The following PDGFD variants were observed in gnomAD, a reference collection of about 807,000 sequenced individuals.
The protein encoded by PDGFD is platelet-derived growth factor D.
PDGFD carries 30 observed loss-of-function variants against 44.7 expected under a neutral mutation model. The observed-to-expected ratio is 0.67, with a 90% confidence interval of 0.50 to 0.91. The LOEUF is 0.91. Among genes scored for constraint, PDGFD ranks in the 40% least tolerant of loss-of-function variants. PDGFD has a pLI of 0.00. For synonymous variants in PDGFD, 173 were observed against 168.4 expected (o/e 1.03, Z -0.21); for missense variants, 445 against 457.8 (o/e 0.97, Z 0.25).
In PDGFD at chr11:104,112,813, C is replaced by G. The variant is rs545030800; in HGVS notation, c.124+50991G>C. 5.4e-3 allele frequency among the ~76,000 whole-genome samples: 828 copies of G among 152,000 alleles called. 4 individuals are homozygous for G. Among genetic ancestry groups the G allele is most frequent in the African/African-American group, 0.019 (803 of 41,460 alleles). ...ACATGGTCTTATTTATAAGTAGGAGCTAAATGATGAGAATACATGGACACA... is the reference window on the plus strand; with the variant it reads ...ACATGGTCTTATTTATAAGTAGGAGGTAAATGATGAGAATACATGGACACA... On this transcript the variant is annotated intron_variant, in intron 1 of 6. Coordinates refer to ENST00000393158, the MANE Select transcript of PDGFD (RefSeq NM_025208.5).
Position 103,994,575 on chromosome 11 carries a change from T to A in PDGFD, c.510+1490A>T, listed in dbSNP as rs180753784. On this transcript the variant is annotated intron_variant, in intron 3 of 6. Coordinates refer to ENST00000393158, the MANE Select transcript of PDGFD (RefSeq NM_025208.5). ...CATAATGCAAAGAAAACCAATTAGA[T>A]TTTTTAAAAAGCAAGTTTTTTTTTC... is the stretch of plus-strand genomic sequence containing the variant. Among the ~76,000 whole-genome samples, 437 of 152,302 alleles carry A rather than the reference T, an allele frequency of 2.9e-3. 2 individuals carry two copies. Among genetic ancestry groups the A allele is most frequent in the African/African-American group, 9.8e-3 (407 of 41,570 alleles).
chr11:104,118,304 T>A (rs1861671550), intron 1 of PDGFD, among the ~76,000 whole-genome samples: 2 of 151,792 alleles, frequency 1.3e-5, no homozygotes, highest in South Asian at 2.1e-4. Flanking sequence ...GGGAGCTTGC[T>A]TCTCCTCTCT....
At chr11:104,127,087 A>C (rs746222448) in intron 1 of PDGFD, among the ~76,000 whole-genome samples, 1 of 152,126 alleles carries the variant, frequency 6.6e-6, no homozygotes, top group Non-Finnish European at 1.5e-5. Flanking sequence ...TTTACTCCAC[A>C]AAAAGAGCTC....
chr11:104,142,038 T>C (rs1179776917), intron 1 of PDGFD, among the ~76,000 whole-genome samples: 2 of 152,176 alleles, frequency 1.3e-5, no homozygotes, highest in Non-Finnish European at 2.9e-5. Flanking sequence ...AGTTCCCTAA[T>C]GGAATTATTT....
At chr11:104,097,572 T>C (rs1392555336) in intron 1 of PDGFD, among the ~76,000 whole-genome samples, 1 of 152,176 alleles carries the variant, frequency 6.6e-6, no homozygotes, top group Admixed American at 6.5e-5. Context: ...CCTCAAATGG[T>C]TCCCAGATGC....
chr11:104,018,679 C>T (rs1565311788), intron 1 of PDGFD, among the ~76,000 whole-genome samples: 1 of 152,194 alleles, frequency 6.6e-6, no homozygotes, highest in African/African-American at 2.4e-5. Flanking sequence ...GCAAGGTTTG[C>T]ACCAGTCACT....
intron 3 of PDGFD, among the ~76,000 whole-genome samples, chr11:103,984,622 T>G (rs1253200968): frequency 2.0e-5 from 3 of 151,312 alleles, no homozygotes; most frequent in Non-Finnish European, 4.4e-5. Context: ...ATGGGACCTA[T>G]GGGTGTTTAC....
chr11:103,924,886 C>T (rs1175715197), intron 6 of PDGFD, among the ~76,000 whole-genome samples: 1 of 152,094 alleles, frequency 6.6e-6, no homozygotes, highest in African/African-American at 2.4e-5. Flanking sequence ...CGTAGGTATA[C>T]ACGTGCCATG....
intron 2 of PDGFD, among the ~76,000 whole-genome samples, chr11:103,999,219 T>G (rs978691281): frequency 3.9e-5 from 6 of 152,162 alleles, no homozygotes; most frequent in African/African-American, 7.2e-5. Flanking sequence ...GCCCCTCTTT[T>G]TATTATTCAA....
rs1025498191 is a variant in PDGFD at position 104,000,057 on chromosome 11, A to T, written c.323T>A (p.Ile108Asn). Reference protein sequence around the residue: ...QFGLEEAENDICRYDFVEVED... With the variant: ...QFGLEEAENDNCRYDFVEVED... ...AATTTTTTTCCCAACTTACCTACAG[A>T]TATCATTTTCTGCTTCCTCTAATCC... Residue 108 changes from isoleucine to asparagine, a missense_variant, in exon 2 of 7, where the codon ATC becomes AAC. Ile to Asn is a moderately radical substitution (Grantham distance 149). Transcript: ENST00000393158. 1 of 1,613,874 alleles carries T rather than the reference A, an allele frequency of 6.2e-7. No individual in the cohort carries two copies. The highest frequency in any genetic ancestry group is 1.1e-5 in the South Asian group (1 of 91,044).
At chr11:104,037,200 G>GGGCTT in intron 1 of PDGFD, 2 of 1,613,720 alleles carry the variant, frequency 1.2e-6, no homozygotes, top group Non-Finnish European at 1.7e-6. Context: ...AGCGGTCACA[G>GGGCTT]GGCTTGGCGT....
intron 6 of PDGFD, among the ~76,000 whole-genome samples, chr11:103,925,126 A>T (rs1858285684): frequency 1.3e-5 from 2 of 152,178 alleles, no homozygotes; most frequent in Admixed American, 1.3e-4. Context: ...TCTGCAAAGG[A>T]CGTGAACTCA....
At chr11:104,086,342 T>C (rs1462162254) in intron 1 of PDGFD, among the ~76,000 whole-genome samples, 4 of 152,154 alleles carry the variant, frequency 2.6e-5, no homozygotes, top group African/African-American at 9.7e-5. Context: ...TTAGGATGAA[T>C]TTTGCAAAAA....
chr11:104,123,686 G>C (rs1425156610), intron 1 of PDGFD, among the ~76,000 whole-genome samples: 1 of 151,920 alleles, frequency 6.6e-6, no homozygotes, highest in Non-Finnish European at 1.5e-5. Flanking sequence ...TGTTAGCAAG[G>C]CTTACAATTT....
At chr11:103,992,145 G>T (rs1295483804) in intron 3 of PDGFD, among the ~76,000 whole-genome samples, 1 of 152,150 alleles carries the variant, frequency 6.6e-6, no homozygotes, top group African/African-American at 2.4e-5. Context: ...GAAGGTATCT[G>T]TTATCTTTAA....
intron 6 of PDGFD, among the ~76,000 whole-genome samples, chr11:103,919,745 G>C (rs1858183109): frequency 6.6e-6 from 1 of 152,084 alleles, no homozygotes; most frequent in East Asian, 1.9e-4. Flanking sequence ...CTGACCTCAG[G>C]TGATCTGCCT....
chr11:103,940,581 T>C (rs995133163), intron 5 of PDGFD, among the ~76,000 whole-genome samples: 1 of 152,152 alleles, frequency 6.6e-6, no homozygotes, highest in Non-Finnish European at 1.5e-5. Flanking sequence ...CCCCTCCTCA[T>C]ACATTGGCAT....
chr11:104,132,712 T>G (rs1421377429), intron 1 of PDGFD, among the ~76,000 whole-genome samples: 2 of 152,100 alleles, frequency 1.3e-5, no homozygotes, highest in African/African-American at 2.4e-5. Context: ...ATTAATACCA[T>G]TATCCTTTTC....
At chr11:104,030,501 A>C (rs1436859147) in intron 1 of PDGFD, among the ~76,000 whole-genome samples, 1 of 152,204 alleles carries the variant, frequency 6.6e-6, no homozygotes, top group Non-Finnish European at 1.5e-5. Flanking sequence ...TCCTCATGAA[A>C]TAAAGACTAC....
Sources: allele counts gnomAD v4.1 joint callset (sites outside exome capture counted in the v4.1 genomes callset), GRCh38; gene constraint gnomAD v4.1.1; transcripts MANE v1.5; gene names NCBI Gene and HGNC (gene_info 2026-07-23, HGNC 2026-07-21).